Variants in BPIFC observed in about 807,000 individuals in gnomAD.
The protein encoded by BPIFC is BPI fold containing family C, also known as BPI fold-containing family C protein.
BPIFC carries 60 observed loss-of-function variants against 57.6 expected under a neutral mutation model. That is an observed-to-expected ratio of 1.04 (90% CI 0.85 to 1.29). BPIFC has a LOEUF of 1.29. Ranked by LOEUF, BPIFC falls within the 50% of genes most tolerant of loss-of-function variation. BPIFC has a pLI of 0.00. For synonymous variants in BPIFC, 243 were observed against 224.5 expected (o/e 1.08, Z -0.74); for missense variants, 581 against 600.5 (o/e 0.97, Z 0.34).
At chr22:32,423,186 A>G (rs1032187796) in intron 13 of BPIFC, among the ~76,000 whole-genome samples, 6 of 152,266 alleles carry the variant, frequency 3.9e-5, no homozygotes, top group African/African-American at 1.4e-4. Context: ...ATTTAATCCA[A>G]TGATGAAAAG....
intron 13 of BPIFC, among the ~76,000 whole-genome samples, chr22:32,425,414 C>G (rs2076049): frequency 0.6 from 90,992 of 151,844 alleles, 28,596 homozygotes; most frequent in African/African-American, 0.82. Flanking sequence ...CAATAATAAA[C>G]AATAGCCATG....
chr22:32,451,930 G>A lies in BPIFC; in HGVS notation c.245+1453C>T, dbSNP rs1934906140. On this transcript the variant is annotated intron_variant, in intron 4 of 16. Transcript: ENST00000300399. ...TTGCTTTCTCTTTTTTTGAGACAGG[G>A]TCTCACTTTGTCCAGGCTGGAGTGC... is the stretch of plus-strand genomic sequence containing the variant. Among the ~76,000 whole-genome samples, 2 of 152,028 alleles carry A rather than the reference G, an allele frequency of 1.3e-5. 1 individual carries two copies. The highest frequency in any genetic ancestry group is 4.1e-4 in the South Asian group (2 of 4,822).
intron 15 of BPIFC, 46 bp from the exon 16 acceptor site, chr22:32,416,037 G>A (rs903603183): frequency 3.9e-6 from 5 of 1,292,414 alleles, no homozygotes; most frequent in African/African-American, 3.2e-5. Context: ...CAAGCACAGA[G>A]GTTTTAGCAA....
chr22:32,463,847 C>T (rs970228684), intron 1 of BPIFC, among the ~76,000 whole-genome samples: 1 of 152,128 alleles, frequency 6.6e-6, no homozygotes, highest in African/African-American at 2.4e-5. Flanking sequence ...TGTCTTTTCC[C>T]CAAAACTCTA....
intron 13 of BPIFC, among the ~76,000 whole-genome samples, chr22:32,419,919 G>C (rs1174423134): frequency 2.6e-5 from 4 of 152,040 alleles, no homozygotes; most frequent in African/African-American, 9.7e-5. Flanking sequence ...TTAAGAAGCA[G>C]AGCAGGAATA....
intron 2 of BPIFC, among the ~76,000 whole-genome samples, chr22:32,457,889 C>G (rs192512205): frequency 6.6e-6 from 1 of 152,330 alleles, no homozygotes; most frequent in East Asian, 1.9e-4. Flanking sequence ...ACGATGTTGT[C>G]TGTTTGCAGG....
intron 4 of BPIFC, among the ~76,000 whole-genome samples, chr22:32,449,385 A>C (rs1830655676): frequency 6.6e-6 from 1 of 152,244 alleles, no homozygotes; most frequent in African/African-American, 2.4e-5. Context: ...AAGATGAAGA[A>C]AAATTTAAAA....
At chr22:32,431,470 C>G (rs1025976589) in intron 12 of BPIFC, 56 bp from the exon 13 acceptor site, 2 of 1,189,468 alleles carry the variant, frequency 1.7e-6, no homozygotes, top group African/African-American at 1.4e-5. Flanking sequence ...TTTTGGCCAT[C>G]AGTATAATTT....
At chr22:32,438,168 A>G (rs779196376) in intron 8 of BPIFC, among the ~76,000 whole-genome samples, 1 of 152,116 alleles carries the variant, frequency 6.6e-6, no homozygotes, top group Non-Finnish European at 1.5e-5. Flanking sequence ...GACAGTACCA[A>G]CCCCTACATA....
At chr22:32,425,601 C>CT (rs946321315) in intron 13 of BPIFC, among the ~76,000 whole-genome samples, 1 of 151,982 alleles carries the variant, frequency 6.6e-6, no homozygotes, top group African/African-American at 2.4e-5. Context: ...AAGAAATAGT[C>CT]TTTTTTTGGT....
chr22:32,448,495 C>G (rs929687164), intron 4 of BPIFC, among the ~76,000 whole-genome samples: 1 of 152,176 alleles, frequency 6.6e-6, no homozygotes, highest in Non-Finnish European at 1.5e-5. Flanking sequence ...CTCCTATTTC[C>G]AAATGTCCTC....
At chr22:32,424,482 G>A (rs907412829) in intron 13 of BPIFC, among the ~76,000 whole-genome samples, 1 of 151,930 alleles carries the variant, frequency 6.6e-6, no homozygotes, top group African/African-American at 2.4e-5. Flanking sequence ...CATGCTGCCT[G>A]TTTCAACTTA....
intron 12 of BPIFC, among the ~76,000 whole-genome samples, chr22:32,431,929 C>T (rs1352803318): frequency 6.6e-6 from 1 of 152,026 alleles, no homozygotes; most frequent in Admixed American, 6.6e-5. Flanking sequence ...CACACATACC[C>T]TTCCCTCAAC....
intron 3 of BPIFC, among the ~76,000 whole-genome samples, chr22:32,456,110 G>C (rs1037072116): frequency 3.9e-5 from 6 of 152,202 alleles, no homozygotes; most frequent in Admixed American, 3.3e-4. Context: ...TTCTTTTAAT[G>C]ACTCTGCTCC....
chr22:32,428,037 A>G (rs1232389186), intron 13 of BPIFC, among the ~76,000 whole-genome samples: 4 of 151,154 alleles, frequency 2.6e-5, no homozygotes, highest in African/African-American at 9.7e-5. Flanking sequence ...GATAAAGATC[A>G]CTCTTCATGG....
In BPIFC at chr22:32,462,039, G is replaced by A. The variant is rs113892933; in HGVS notation, c.-88-378C>T. ...ACAAAAATTAACCAGGTGTGGTGGC[G>A]CACACCTGTAGTCCCAGCTATGTGG... is the stretch of plus-strand genomic sequence containing the variant. On this transcript the variant is annotated intron_variant, in intron 1 of 16. Coordinates refer to ENST00000300399, the MANE Select transcript of BPIFC (RefSeq NM_174932.3). 8.8e-3 allele frequency among the ~76,000 whole-genome samples: 1,341 copies of A among 151,566 alleles called. 32 individuals are homozygous for A. The highest frequency in any genetic ancestry group is 0.03 in the African/African-American group (1,261 of 41,380).
At chr22:32,447,446 G>A in intron 4 of BPIFC, 106 bp from the exon 5 acceptor site, 1 of 1,381,376 alleles carries the variant, frequency 7.2e-7, no homozygotes, top group South Asian at 1.5e-5. Context: ...AGGCCATTGT[G>A]AACTCCTACA....
chr22:32,415,401 A>T (rs2057831854), intron 16 of BPIFC, among the ~76,000 whole-genome samples: 1 of 152,226 alleles, frequency 6.6e-6, no homozygotes, highest in African/African-American at 2.4e-5. Flanking sequence ...AAAAGAAAGA[A>T]AGAAAAAAAG....
At chr22:32,433,677 G>A in intron 11 of BPIFC, 42 bp downstream of exon 11, 1 of 1,574,652 alleles carries the variant, frequency 6.4e-7, no homozygotes. Context: ...TAATTGCAAT[G>A]GAGCCAAATA....
Sources: gnomAD v4.1 joint callset for allele counts (sites outside exome capture counted in the v4.1 genomes callset) on GRCh38, gnomAD v4.1.1 for gene constraint, MANE v1.5 for transcripts, NCBI Gene and HGNC (gene_info 2026-07-23, HGNC 2026-07-21) for gene names.